TRIM27: variants seen among roughly 807,000 people sequenced by gnomAD.
The protein encoded by TRIM27 is tripartite motif containing 27.
Under a neutral mutation model 57.6 loss-of-function variants are expected in TRIM27, and 12 were observed. That is an observed-to-expected ratio of 0.21 (90% CI 0.13 to 0.34). The LOEUF is 0.34. TRIM27 is among the 10% of genes least tolerant of loss of function. TRIM27 has a pLI of 1.00. For synonymous variants in TRIM27, 266 were observed against 259.0 expected, an observed-to-expected ratio of 1.03 and a Z score of -0.26; for missense variants, 403 against 656.8, an observed-to-expected ratio of 0.61 and a Z score of 4.22.
intron 3 of TRIM27, 42 bp from the exon 4 acceptor site, chr6:28,911,760 A>G (rs1001638471): frequency 1.2e-6 from 2 of 1,603,708 alleles, no homozygotes; most frequent in Admixed American, 3.4e-5. Context: ...GAAGTCATTT[A>G]AAACTTCGGT....
chr6:28,920,182 A>C lies in TRIM27; in HGVS notation c.577T>G (p.Leu193Val). The change falls in exon 3 of 8, where the codon TTA becomes GTA. Residue 193 changes from leucine to valine, a missense_variant. By Grantham distance (32) the Leu-to-Val change is conservative (BLOSUM62 1). Transcript: ENST00000377199. ...VWEFEQLYHSLKEHEYRLLAR... is the reference protein window; with the variant it reads ...VWEFEQLYHSVKEHEYRLLAR... ...AGGAGGCGATACTCATGCTCCTTTA[A>C]GGAGTGATACAGCTGCTCAAACTCC... 7 of 1,614,162 alleles carry C rather than the reference A, an allele frequency of 4.3e-6. No homozygotes were observed. The highest frequency in any genetic ancestry group is 5.9e-6 in the Non-Finnish European group (7 of 1,180,016).
chr6:28,911,661 A>G (rs750315631), intron 4 of TRIM27, 35 bp downstream of exon 4: 5 of 1,604,094 alleles, frequency 3.1e-6, no homozygotes, highest in African/African-American at 2.7e-5. Flanking sequence ...GTCTTCTCAT[A>G]TTTGATTTAA....
At chr6:28,919,024 AT>A (rs1224824848) in intron 3 of TRIM27, among the ~76,000 whole-genome samples, 1 of 151,326 alleles carries the variant, frequency 6.6e-6, no homozygotes, top group African/African-American at 2.4e-5. Context: ...TTATTTATTT[AT>A]TTTTTTGAGA....
At chr6:28,910,142 A>C (rs1301367575) in intron 4 of TRIM27, among the ~76,000 whole-genome samples, 4 of 149,524 alleles carry the variant, frequency 2.7e-5, no homozygotes, top group South Asian at 2.1e-4. Context: ...AAAAAAAAAA[A>C]AACGAAGAAA....
chr6:28,915,293 TAAAAAAAAAAAAAA>T (rs9256952), intron 3 of TRIM27: 2 of 111,982 alleles, frequency 1.8e-5, no homozygotes, highest in Non-Finnish European at 3.6e-5. Flanking sequence ...AAAATATTCT[TAAAAAAAAAAAAAA>T]AAAAAAAAAA....
chr6:28,909,893 C>T (rs1225393275), intron 4 of TRIM27, among the ~76,000 whole-genome samples: 1 of 152,074 alleles, frequency 6.6e-6, no homozygotes, highest in Non-Finnish European at 1.5e-5. Context: ...CTGCCCAGTC[C>T]CTCATAGCTA....
chr6:28,914,688 C>A (rs1339849438), intron 3 of TRIM27: 1 of 149,922 alleles, frequency 6.7e-6, no homozygotes. Flanking sequence ...ATAATATATC[C>A]GAGTAACAGA....
At position 28,903,224 on chromosome 6, in the gene TRIM27, C is replaced by T. The variant is rs1305974981; in HGVS notation, c.*846G>A. The T allele has an allele frequency of 8.6e-6, 2 of 232,778 alleles. No individual in the cohort carries two copies. Among genetic ancestry groups the T allele is most frequent in the Admixed American group, 1.1e-4 (2 of 17,748 alleles). 14.4% of individuals were successfully genotyped at this position (232,778 alleles called of 1,614,324 possible). Reference sequence around the variant, plus strand: ...CCCAAAGGAAATGGAGAAAAGGAGCCAAGAAGTCAATGAATCCCTGGAATA... The same window carrying T: ...CCCAAAGGAAATGGAGAAAAGGAGCTAAGAAGTCAATGAATCCCTGGAATA... On this transcript the variant is annotated 3_prime_UTR_variant, in exon 8 of 8. Coordinates refer to ENST00000377199, the MANE Select transcript of TRIM27 (RefSeq NM_006510.5).
Position 28,904,105 on chromosome 6 carries a change from C to A in TRIM27, c.1507G>T (p.Gly503Trp). 1 of 1,613,020 alleles carries A rather than the reference C, an allele frequency of 6.2e-7. No individual in the cohort carries two copies. The highest frequency in any genetic ancestry group is 8.5e-7 in the Non-Finnish European group (1 of 1,180,014). Residue 503 changes from glycine (G) to tryptophan (W), a missense_variant, in exon 8 of 8, where the codon GGG becomes TGG. Transcript: ENST00000377199. This position sits in a 1 kb window ranked among gnomAD's most constrained non-coding sequence, Gnocchi z 6.1. ...SGIDGFSGHV[G>W]NHGHSMETSP ...GTCTCCATGGAATGACCATGATTCCCAACATGGCCAGAAAACCCATCTATC... is the reference window on the plus strand; with the variant it reads ...GTCTCCATGGAATGACCATGATTCCAAACATGGCCAGAAAACCCATCTATC...
Position 28,908,962 on chromosome 6 carries a change from C to T in TRIM27, c.886+11G>A, listed in dbSNP as rs1427921622. On this transcript the variant is annotated intron_variant, in intron 5 of 7. Coordinates refer to ENST00000377199, the MANE Select transcript of TRIM27 (RefSeq NM_006510.5). The stretch of plus-strand genomic sequence containing the variant: ...ATCCATTTCCCCTCATGACACCTCT[C>T]CTCACATTACCTGTGAACTGCTTTA... 11 of 1,606,476 alleles carry T rather than the reference C, an allele frequency of 6.8e-6. No individual in the cohort carries two copies. Among genetic ancestry groups the T allele is most frequent in the Non-Finnish European group, 8.5e-6 (10 of 1,173,496 alleles).
intron 6 of TRIM27, 75 bp from the exon 7 acceptor site, chr6:28,907,337 T>G: frequency 6.8e-7 from 1 of 1,470,266 alleles, no homozygotes; most frequent in Non-Finnish European, 9.4e-7. Context: ...GGGCTTTGGT[T>G]AGTCATCATA....
chr6:28,919,901 C>A, intron 3 of TRIM27, 111 bp downstream of exon 3: 1 of 992,332 alleles, frequency 1.0e-6, no homozygotes, highest in Non-Finnish European at 1.5e-6. Context: ...CAAGCTCTTG[C>A]TATTCCTGCA....
intron 7 of TRIM27, chr6:28,905,894 C>T (rs1468447777): frequency 6.6e-6 from 1 of 152,194 alleles, no homozygotes; most frequent in Non-Finnish European, 1.5e-5. Flanking sequence ...ATTACAGCAT[C>T]TTGCTATCAT....
intron 3 of TRIM27, among the ~76,000 whole-genome samples, chr6:28,915,993 T>C (rs1464389314): frequency 6.6e-6 from 1 of 152,086 alleles, no homozygotes; most frequent in African/African-American, 2.4e-5. Flanking sequence ...CTCGGCTCAC[T>C]ACAACCTCTG....
chr6:28,915,864 A>C (rs773528656), intron 3 of TRIM27: 1 of 152,238 alleles, frequency 6.6e-6, no homozygotes, highest in Non-Finnish European at 1.5e-5. Context: ...AATGTTATTC[A>C]GCCATAAAGA....
At chr6:28,917,577 T>TAAA (rs9280510) in intron 3 of TRIM27, among the ~76,000 whole-genome samples, 4 of 131,256 alleles carry the variant, frequency 3.0e-5, no homozygotes, top group South Asian at 2.5e-4. Context: ...GAGTATGTCT[T>TAAA]AAAAAAAAAA....
At chr6:28,913,975 G>C (rs1403936668) in intron 3 of TRIM27, among the ~76,000 whole-genome samples, 1 of 146,086 alleles carries the variant, frequency 6.8e-6, no homozygotes, top group Non-Finnish European at 1.5e-5. Flanking sequence ...GTATCTAGTA[G>C]GGCCAGTTCT....
intron 6 of TRIM27, chr6:28,907,790 T>C: frequency 5.1e-6 from 2 of 391,624 alleles, no homozygotes; most frequent in Non-Finnish European, 9.9e-6. Flanking sequence ...AGGAAAGTCA[T>C]GCCTGAACTA....
intron 2 of TRIM27, among the ~76,000 whole-genome samples, chr6:28,921,520 G>C (rs6906867): frequency 6.6e-6 from 1 of 152,160 alleles, no homozygotes; most frequent in African/African-American, 2.4e-5. Flanking sequence ...AAGCCAAAGA[G>C]AAGCAACAGT....
Sources: allele counts gnomAD v4.1 joint callset (sites outside exome capture counted in the v4.1 genomes callset), GRCh38; gene constraint gnomAD v4.1.1; non-coding constraint Gnocchi (gnomAD v3.1); transcripts MANE v1.5; gene names NCBI Gene and HGNC (gene_info 2026-07-23, HGNC 2026-07-21).